FNBP1: variants seen among roughly 807,000 people sequenced by gnomAD.
FNBP1 encodes the protein formin binding protein 1, also known as formin-binding protein 1.
Under a neutral mutation model 90.6 loss-of-function variants are expected in FNBP1, and 26 were observed. That is an observed-to-expected ratio of 0.29 (90% confidence interval 0.21 to 0.40). FNBP1 has a LOEUF of 0.40. Ranked by LOEUF, FNBP1 falls within the 10% of genes least tolerant of loss-of-function variation. The pLI is 1.00. For synonymous variants in FNBP1, 260 were observed against 265.2 expected (o/e 0.98, Z 0.19); for missense variants, 635 against 768.0 (o/e 0.83, Z 2.05).
chr9:130,014,244 T>C (rs1219308878), intron 1 of FNBP1, among the ~76,000 whole-genome samples: 1 of 151,202 alleles, frequency 6.6e-6, no homozygotes, highest in African/African-American at 2.4e-5. Flanking sequence ...TATTTCTTTC[T>C]TTCTTTTTTT....
intron 6 of FNBP1, among the ~76,000 whole-genome samples, chr9:129,935,670 G>A (rs1277078859): frequency 6.6e-6 from 1 of 151,964 alleles, no homozygotes; most frequent in Non-Finnish European, 1.5e-5. Context: ...TGTATTTTTA[G>A]TAGAGATGGG....
chr9:130,034,370 C>A (rs1452974280), intron 1 of FNBP1, among the ~76,000 whole-genome samples: 2 of 150,792 alleles, frequency 1.3e-5, no homozygotes, highest in Non-Finnish European at 2.9e-5. Flanking sequence ...GTGGTCCCAG[C>A]TAATCAGGAG....
chr9:129,927,335 G>A lies in FNBP1; in HGVS notation c.649C>T (p.Gln217Ter), dbSNP rs752210178. ...THIPNIFQKIQEMEERRIVRM... is the reference protein window; with the variant it reads ...THIPNIFQKI ...ACAATCCTCCTTTCCTCCATCTCTT[G>A]TATTTTCTGCAACATTAGATTTTGT... is the stretch of plus-strand genomic sequence containing the variant. The change falls in exon 8 of 17, where the codon CAA (glutamine) becomes TAA (stop). Residue 217 changes from glutamine to a stop codon, truncating the protein, a stop_gained. Coordinates refer to ENST00000446176, the MANE Select transcript of FNBP1 (RefSeq NM_015033.3). LOFTEE classifies it high-confidence loss of function. 1 of 1,609,376 alleles carries A rather than the reference G, an allele frequency of 6.2e-7. No homozygotes were observed. The highest frequency in any genetic ancestry group is 8.5e-7 in the Non-Finnish European group (1 of 1,177,542).
chr9:129,916,415 C>T (rs1220530214), intron 10 of FNBP1, among the ~76,000 whole-genome samples: 2 of 151,960 alleles, frequency 1.3e-5, no homozygotes, highest in Non-Finnish European at 2.9e-5. Flanking sequence ...GTCGGGAGCT[C>T]GAGACCAGCC....
At chr9:129,893,909 C>T (rs1364626868) in intron 16 of FNBP1, among the ~76,000 whole-genome samples, 3 of 62,924 alleles carry the variant, frequency 4.8e-5, no homozygotes, top group African/African-American at 2.2e-4. Flanking sequence ...AGCGAGACTC[C>T]ATCTCAAAAA....
upstream of FNBP1, among the ~76,000 whole-genome samples, chr9:130,046,967 A>C (rs1468179247): frequency 6.6e-6 from 1 of 152,090 alleles, no homozygotes; most frequent in Non-Finnish European, 1.5e-5. Context: ...TCTGATTTAT[A>C]AACAGTTCGT....
chr9:129,982,748 G>A (rs570921785), intron 2 of FNBP1, among the ~76,000 whole-genome samples: 24 of 152,140 alleles, frequency 1.6e-4, no homozygotes, highest in Non-Finnish European at 2.8e-4. Context: ...TGCAAGCCTC[G>A]AACTCCTGGG....
intron 8 of FNBP1, among the ~76,000 whole-genome samples, chr9:129,926,658 G>A (rs1056147912): frequency 2.0e-5 from 3 of 152,122 alleles, no homozygotes; most frequent in Admixed American, 1.3e-4. Context: ...AGGCTGAGGC[G>A]GGCGGATTAC....
intron 11 of FNBP1, among the ~76,000 whole-genome samples, chr9:129,915,682 T>C (rs1648783336): frequency 6.6e-6 from 1 of 152,118 alleles, no homozygotes; most frequent in African/African-American, 2.4e-5. Flanking sequence ...AATATTTATA[T>C]AGACACTTTA....
Position 129,900,673 on chromosome 9 carries a change from T to C in FNBP1, c.1429-126A>G, listed in dbSNP as rs2036749336. The C allele has an allele frequency of 3.0e-6, 3 of 1,014,450 alleles. No individual in the cohort carries two copies. The highest frequency in any genetic ancestry group is 3.9e-6 in the Non-Finnish European group (3 of 771,676). The allele number at this position is 1,014,450 out of a possible 1,614,324, so 62.8% of individuals were successfully genotyped here. ...ATCCTAAGGTCCCAAACTCAGGGGC[T>C]ACTCTTGGCCATTTAACCCAATGTG... On this transcript the variant is annotated intron_variant, in intron 13 of 16. Transcript: ENST00000446176. This position sits in a 1 kb window ranked among gnomAD's most constrained non-coding sequence, Gnocchi z 4.1.
chr9:129,923,766 A>C, intron 10 of FNBP1, 78 bp downstream of exon 10: 1 of 1,413,884 alleles, frequency 7.1e-7, no homozygotes, highest in Non-Finnish European at 9.3e-7. Flanking sequence ...GGATTCATTC[A>C]CAAACAAAAT....
At chr9:129,905,881 T>TC (rs961592990) in intron 12 of FNBP1, among the ~76,000 whole-genome samples, 11 of 150,318 alleles carry the variant, frequency 7.3e-5, no homozygotes, top group Non-Finnish European at 1.2e-4. Context: ...GCATATTTCT[T>TC]TTTTTTTTTG....
chr9:129,948,505 C>T lies in FNBP1; in HGVS notation c.513+8855G>A, dbSNP rs2045687927. 2.0e-5 allele frequency among the ~76,000 whole-genome samples: 3 copies of T among 151,254 alleles called. No individual in the cohort carries two copies. In the South Asian group the frequency reaches 6.3e-4, roughly 32 times the overall value. Reference sequence around the variant, plus strand: ...TCCGCCTCCTGAGTAAGTGGGATTACAGGCATGAGCCACCACATTCAGCTC... The same window carrying T: ...TCCGCCTCCTGAGTAAGTGGGATTATAGGCATGAGCCACCACATTCAGCTC... On this transcript the variant is annotated intron_variant, in intron 6 of 16. Transcript: ENST00000446176.
At chr9:129,983,630 G>T (rs1023624577) in intron 2 of FNBP1, among the ~76,000 whole-genome samples, 2 of 152,144 alleles carry the variant, frequency 1.3e-5, no homozygotes, top group Non-Finnish European at 2.9e-5. Context: ...GGCCAACATG[G>T]TGAAACCCCA....
chr9:129,979,301 T>C lies in FNBP1; in HGVS notation c.197+17A>G. 1 of 1,540,352 alleles carries C rather than the reference T, an allele frequency of 6.5e-7. No individual in the cohort carries two copies. The highest frequency in any genetic ancestry group is 9.0e-7 in the Non-Finnish European group (1 of 1,116,032). ...GGCATGTGTCTATTACAAGACAATT[T>C]TCAATGGTAAACATACTTGTATTCT... is the stretch of plus-strand genomic sequence containing the variant. On this transcript the variant is annotated intron_variant, in intron 3 of 16. Transcript: ENST00000446176.
intron 6 of FNBP1, among the ~76,000 whole-genome samples, chr9:129,945,005 A>G (rs1043212299): frequency 1.3e-5 from 2 of 152,186 alleles, no homozygotes; most frequent in Non-Finnish European, 2.9e-5. Context: ...AAATAAATAC[A>G]TATATATTCA....
chr9:130,001,107 C>T lies in FNBP1; in HGVS notation c.25-6149G>A, dbSNP rs569561447. ...CAGCACTTTGGGAGGCCGAGGCAGG[C>T]GGATGACAAGGTCAGGAGCTCGAGA... On this transcript the variant is annotated intron_variant, in intron 1 of 16. Coordinates refer to ENST00000446176, the MANE Select transcript of FNBP1 (RefSeq NM_015033.3). Among the ~76,000 whole-genome samples the T allele has an allele frequency of 4.0e-5, 6 of 151,782 alleles. No individual in the cohort carries two copies. In the East Asian group the frequency reaches 5.9e-4, roughly 15 times the overall value.
At chr9:129,969,989 C>T (rs1165505567) in intron 4 of FNBP1, among the ~76,000 whole-genome samples, 1 of 145,394 alleles carries the variant, frequency 6.9e-6, no homozygotes, top group African/African-American at 2.6e-5. Flanking sequence ...CCCAGGTTCA[C>T]GCCATTCTCC....
At chr9:129,968,544 T>C (rs893454893) in intron 4 of FNBP1, among the ~76,000 whole-genome samples, 4 of 152,202 alleles carry the variant, frequency 2.6e-5, no homozygotes, top group African/African-American at 4.8e-5. Context: ...CCTAAATGTA[T>C]TGGAGTCAGT....
Sources: allele counts gnomAD v4.1 joint callset (sites outside exome capture counted in the v4.1 genomes callset), GRCh38; gene constraint gnomAD v4.1.1; non-coding constraint Gnocchi (gnomAD v3.1); transcripts MANE v1.5; gene names NCBI Gene and HGNC (gene_info 2026-07-23, HGNC 2026-07-21).